SH3BP4: variants seen among roughly 807,000 people sequenced by gnomAD.
SH3BP4 encodes SH3 domain binding protein 4, also known as SH3 domain-binding protein 4.
A neutral mutation model predicts 65.5 loss-of-function variants in SH3BP4; 33 were observed. The observed-to-expected ratio is 0.50, with a 90% CI of 0.38 to 0.67. SH3BP4 has a LOEUF of 0.67. SH3BP4 is among the 30% of genes least tolerant of loss of function. SH3BP4 has a pLI of 0.00. For synonymous variants in SH3BP4, 552 were observed against 545.5 expected, an observed-to-expected ratio of 1.01 and a Z score of -0.17; for missense variants, 1,134 against 1,261.4, an observed-to-expected ratio of 0.90 and a Z score of 1.53.
chr2:235,017,054 T>C (rs1344930222), intron 2 of SH3BP4, among the ~76,000 whole-genome samples: 1 of 149,452 alleles, frequency 6.7e-6, no homozygotes, highest in Non-Finnish European at 1.5e-5. Context: ...TCTTTTTTTT[T>C]TTTTTTTTTT....
At position 235,042,367 on chromosome 2, in the gene SH3BP4, G is replaced by C; in HGVS notation, c.1598G>C (p.Arg533Thr). The change falls in exon 4 of 6, where the codon AGG (arginine) becomes ACG (threonine). Residue 533 changes from arginine to threonine, a missense_variant. Physicochemically the swap from Arg to Thr is moderately conservative, Grantham distance 71 (BLOSUM62 -1). Coordinates refer to ENST00000392011, the MANE Select transcript of SH3BP4 (RefSeq NM_014521.3). The surrounding 1 kb of genome is among the most constrained non-coding windows in gnomAD (Gnocchi z 7.3). Reference sequence around the variant, plus strand: ...GGGAAGCACCAGTTCGTTTTGTCCAGGCCCCAGGATCTCAAGGTCTGTATG... The same window carrying C: ...GGGAAGCACCAGTTCGTTTTGTCCACGCCCCAGGATCTCAAGGTCTGTATG... The part of the protein sequence containing the change: ...LWGKHQFVLS[R>T]PQDLKVCMFS... 6.2e-7 allele frequency: 1 copy of C among 1,614,154 alleles called. No homozygotes were observed. The highest frequency in any genetic ancestry group is 8.5e-7 in the Non-Finnish European group (1 of 1,180,030).
At chr2:235,007,684 A>C (rs1694340263) in intron 2 of SH3BP4, among the ~76,000 whole-genome samples, 1 of 152,154 alleles carries the variant, frequency 6.6e-6, no homozygotes, top group South Asian at 2.1e-4. Context: ...CCAGTTGCTA[A>C]GTGGGGAAGA....
At chr2:235,029,149 G>A (rs1388421009) in intron 2 of SH3BP4, among the ~76,000 whole-genome samples, 1 of 152,200 alleles carries the variant, frequency 6.6e-6, no homozygotes, top group Non-Finnish European at 1.5e-5. Flanking sequence ...TGGTGTGGAT[G>A]TGCTGGGGAG....
At chr2:234,963,454 G>A (rs1029925959) in intron 1 of SH3BP4, among the ~76,000 whole-genome samples, 4 of 152,206 alleles carry the variant, frequency 2.6e-5, no homozygotes, top group Non-Finnish European at 4.4e-5. Flanking sequence ...TTTAAGAGCG[G>A]CCGTACTTGT....
chr2:234,969,456 C>T (rs1692923094), intron 1 of SH3BP4, among the ~76,000 whole-genome samples: 1 of 152,162 alleles, frequency 6.6e-6, no homozygotes, highest in Non-Finnish European at 1.5e-5. Context: ...ACTGGGAGGC[C>T]ACCCTTGTTC....
At chr2:234,966,296 G>A (rs1484190187) in intron 1 of SH3BP4, among the ~76,000 whole-genome samples, 2 of 152,178 alleles carry the variant, frequency 1.3e-5, no homozygotes, top group African/African-American at 4.8e-5. Flanking sequence ...TTGAGCCCAG[G>A]AGGTCGAAGT....
chr2:235,032,752 C>T (rs1302111253), intron 2 of SH3BP4, among the ~76,000 whole-genome samples: 1 of 152,120 alleles, frequency 6.6e-6, no homozygotes, highest in Non-Finnish European at 1.5e-5. Context: ...TGCCAGACCC[C>T]AGCAGAGGGG....
rs866256422 is a variant in SH3BP4, at chr2:235,055,587, G to A, written c.*1771G>A. On this transcript the variant is annotated 3_prime_UTR_variant, in exon 6 of 6. Transcript: ENST00000392011. ...GGCTTTAAATAGTTTCCTATGCAAC[G>A]TGTCTTGTAGCACAAATAAAATTCT... 7.2e-5 allele frequency: 11 copies of A among 152,594 alleles called. No homozygotes were observed. 9.5% of individuals were successfully genotyped at this position (152,594 alleles called of 1,614,324 possible). A position where few individuals can be genotyped will look rare whatever the true frequency, so the allele number is the denominator to read the frequency against.
intron 2 of SH3BP4, among the ~76,000 whole-genome samples, chr2:235,023,208 G>A (rs1024460173): frequency 6.6e-6 from 1 of 152,102 alleles, no homozygotes; most frequent in Non-Finnish European, 1.5e-5. Context: ...GCCTTACAAA[G>A]TTGCAAAGAC....
At chr2:234,958,291 C>T (rs915455187) in intron 1 of SH3BP4, among the ~76,000 whole-genome samples, 8 of 152,120 alleles carry the variant, frequency 5.3e-5, no homozygotes, top group Admixed American at 5.2e-4. Context: ...AATGTGAGAG[C>T]TTTCCTTGGA....
At chr2:234,971,300 A>C (rs1692993578) in intron 1 of SH3BP4, among the ~76,000 whole-genome samples, 1 of 152,216 alleles carries the variant, frequency 6.6e-6, no homozygotes, top group South Asian at 2.1e-4. Flanking sequence ...AGTGTCTTCA[A>C]GGTTCATCCA....
At chr2:234,953,452 T>A (rs1692521099) in intron 1 of SH3BP4, among the ~76,000 whole-genome samples, 1 of 152,152 alleles carries the variant, frequency 6.6e-6, no homozygotes, top group South Asian at 2.1e-4. Flanking sequence ...CCGGGCAGAA[T>A]CTCTGCTGGC....
At chr2:235,044,561 G>T (rs1047852422) in intron 4 of SH3BP4, among the ~76,000 whole-genome samples, 1 of 152,186 alleles carries the variant, frequency 6.6e-6, no homozygotes, top group Non-Finnish European at 1.5e-5. Context: ...TGACCTTGGC[G>T]TGTGCCGCTC....
At chr2:235,009,036 C>A (rs1694391793) in intron 2 of SH3BP4, among the ~76,000 whole-genome samples, 2 of 152,196 alleles carry the variant, frequency 1.3e-5, no homozygotes, top group Non-Finnish European at 2.9e-5. Context: ...TAGAAATCAG[C>A]TGATTTGCAT....
At chr2:234,987,730 T>C (rs1574795029) in intron 1 of SH3BP4, among the ~76,000 whole-genome samples, 1 of 152,194 alleles carries the variant, frequency 6.6e-6, no homozygotes, top group Non-Finnish European at 1.5e-5. Flanking sequence ...ACAGCCACAG[T>C]AGAGTCCAGA....
intron 2 of SH3BP4, among the ~76,000 whole-genome samples, chr2:235,012,233 G>A (rs188356926): frequency 2.0e-5 from 3 of 152,228 alleles, no homozygotes; most frequent in Non-Finnish European, 2.9e-5. Context: ...CCCTGACCTC[G>A]GCAGACCATC....
rs916483374 is a variant in SH3BP4 at position 234,978,597 on chromosome 2, T to C, written c.-206-16706T>C. 4.6e-5 allele frequency: 7 copies of C among 152,202 alleles called. No individual in the cohort carries two copies. The highest frequency in any genetic ancestry group is 1.7e-4 in the African/African-American group (7 of 41,436). 9.4% of individuals were successfully genotyped at this position (152,202 alleles called of 1,614,324 possible). On this transcript the variant is annotated intron_variant, in intron 1 of 5. Transcript: ENST00000392011. This position sits in a 1 kb window ranked among gnomAD's most constrained non-coding sequence, Gnocchi z 4.1. ...AGAAAGTTCTTTTGTCCGGGTGACA[T>C]TGGCATGATTGAATCAGTGCCAGAG...
chr2:235,021,131 C>T (rs999124496), intron 2 of SH3BP4, among the ~76,000 whole-genome samples: 2 of 152,128 alleles, frequency 1.3e-5, no homozygotes, highest in African/African-American at 4.8e-5. Context: ...AAAGTTTGGC[C>T]GTCTCTGCCC....
At position 235,032,323 on chromosome 2, in the gene SH3BP4, C is replaced by T. The variant is rs139859110; in HGVS notation, c.-132-2548C>T. ...ACTCTCAGGCAGGAACTGTCACCGT[C>T]ACACGTGAAAGGCCACATGGCAAGT... is the stretch of plus-strand genomic sequence containing the variant. On this transcript the variant is annotated intron_variant, in intron 2 of 5. Transcript: ENST00000392011. Among the ~76,000 whole-genome samples, 677 of 152,354 alleles carry T rather than the reference C, an allele frequency of 4.4e-3. 8 individuals carry two copies. The highest frequency in any genetic ancestry group is 0.015 in the African/African-American group (641 of 41,570).
Sources: gnomAD v4.1 joint callset for allele counts (sites outside exome capture counted in the v4.1 genomes callset) on GRCh38, gnomAD v4.1.1 for gene constraint, Gnocchi (gnomAD v3.1) non-coding constraint, MANE v1.5 for transcripts, NCBI Gene and HGNC (gene_info 2026-07-23, HGNC 2026-07-21) for gene names.